DNAJC8: variants seen among roughly 807,000 people sequenced by gnomAD.
DNAJC8 encodes the protein dnaJ homolog subfamily C member 8.
DNAJC8 carries 24 observed loss-of-function variants against 43.2 expected under a neutral mutation model. The observed-to-expected ratio is 0.56, with a 90% CI of 0.40 to 0.78. The LOEUF (loss-of-function observed/expected upper bound fraction) is 0.78, where lower values mean the gene tolerates loss of function less well. Ranked by LOEUF, DNAJC8 falls within the 30% of genes least tolerant of loss-of-function variation. The pLI, the probability that DNAJC8 is intolerant of heterozygous loss-of-function variation, is 0.00. For synonymous variants in DNAJC8, 83 were observed against 98.0 expected (o/e 0.85, Z 0.90); for missense variants, 207 against 299.4 (o/e 0.69, Z 2.28).
intron 5 of DNAJC8, 70 bp downstream of exon 5, chr1:28,209,902 G>A (rs1646799056): frequency 7.3e-7 from 1 of 1,360,582 alleles, no homozygotes. Flanking sequence ...ATGTTCATAT[G>A]TACCCTTCTA....
chr1:28,203,836 C>T lies in DNAJC8; in HGVS notation c.564-14G>A. On this transcript the variant is annotated splice_polypyrimidine_tract_variant and intron_variant, in intron 7 of 8. Coordinates refer to ENST00000263697, the MANE Select transcript of DNAJC8 (RefSeq NM_014280.3). ...CTTTGTCGTTTCCTAGGAGGAAAAC[C>T]AGATCATAGTATTTATATGATACTT... is the stretch of plus-strand genomic sequence containing the variant. The T allele has an allele frequency of 1.2e-6, 2 of 1,613,290 alleles. No individual in the cohort carries two copies. The highest frequency in any genetic ancestry group is 1.7e-6 in the Non-Finnish European group (2 of 1,179,352).
intron 1 of DNAJC8, among the ~76,000 whole-genome samples, chr1:28,229,733 C>T (rs1646960980): frequency 1.3e-5 from 2 of 150,420 alleles, no homozygotes; most frequent in South Asian, 4.2e-4. Context: ...AAGATCGCGC[C>T]ACTGGACTCC....
chr1:28,229,084 A>T, intron 1 of DNAJC8, 61 bp from the exon 2 acceptor site: 3 of 1,386,478 alleles, frequency 2.2e-6, no homozygotes, highest in Non-Finnish European at 3.1e-6. Context: ...GAATTATCTT[A>T]ACAAAATGTT....
At chr1:28,212,620 TA>T (rs1185119611) in intron 3 of DNAJC8, among the ~76,000 whole-genome samples, 8 of 145,810 alleles carry the variant, frequency 5.5e-5, no homozygotes, top group Admixed American at 1.4e-4. Context: ...ATAAACCAGC[TA>T]AAAAAAAAAG....
chr1:28,212,100 G>A (rs1646814190), intron 3 of DNAJC8, among the ~76,000 whole-genome samples: 2 of 146,070 alleles, frequency 1.4e-5, no homozygotes, highest in South Asian at 4.3e-4. Context: ...AGGCTGCCGT[G>A]AGCCAAGATC....
At chr1:28,227,104 C>CTTTTTTTTTTTTTTTTTTT (rs375175168) in intron 2 of DNAJC8, among the ~76,000 whole-genome samples, 1 of 95,144 alleles carries the variant, frequency 1.1e-5, no homozygotes, top group African/African-American at 3.9e-5. Flanking sequence ...CTCTCTCTCT[C>CTTTTTTTTTTTTTTTTTTT]TTTTTTTTTT....
At position 28,205,304 on chromosome 1, in the gene DNAJC8, G is replaced by A. The variant is rs186538348; in HGVS notation, c.517C>T (p.Leu173=). 437 of 1,613,508 alleles carry A rather than the reference G, an allele frequency of 2.7e-4. 2 individuals carry two copies. In the Middle Eastern group the frequency reaches 3.5e-3, roughly 13 times the overall value. Residue 173 remains leucine (L), a synonymous_variant, in exon 7 of 9, where the codon CTG becomes TTG. Transcript: ENST00000263697. ...YKQTMKLFAE[L]EIKRKEREAK... ...TCTCTCTCTTTCCTTTTAATTTCCA[G>A]CTCTGCAAAGAGTTTCATTGTCTGT...
At position 28,227,104 on chromosome 1, in the gene DNAJC8, CTTTTTTTTTT is replaced by C. The variant is rs375175168; in HGVS notation, c.180+1808_180+1817del. On this transcript the variant is annotated intron_variant, in intron 2 of 8. Transcript: ENST00000263697. Reference sequence around the variant, plus strand: ...AAAAAAAAAGAATTTCTCTCTCTCTCTTTTTTTTTTTTTTTTTTTTTTGGACAGGCGCGGT... The same window carrying C: ...AAAAAAAAAGAATTTCTCTCTCTCTCTTTTTTTTTTTTGGACAGGCGCGGT... Among the ~76,000 whole-genome samples the C allele has an allele frequency of 2.5e-4, 24 of 95,142 alleles. No individual in the cohort carries two copies. The East Asian group carries it at 6.2e-3, about 24-fold the overall frequency. 62.4% of individuals were successfully genotyped at this position (95,142 alleles called of 152,430 possible).
chr1:28,228,184 A>G (rs1178049291), intron 2 of DNAJC8, among the ~76,000 whole-genome samples: 1 of 151,908 alleles, frequency 6.6e-6, no homozygotes, highest in Non-Finnish European at 1.5e-5. Flanking sequence ...CCCCATCTCT[A>G]CTAAGAATAC....
At chr1:28,215,707 T>C (rs528238467) in intron 2 of DNAJC8, among the ~76,000 whole-genome samples, 10 of 151,894 alleles carry the variant, frequency 6.6e-5, no homozygotes, top group Non-Finnish European at 1.2e-4. Context: ...CTGGCTAATT[T>C]TGTAATTTTA....
At chr1:28,225,494 G>A (rs948768400) in intron 2 of DNAJC8, among the ~76,000 whole-genome samples, 1 of 151,046 alleles carries the variant, frequency 6.6e-6, no homozygotes, top group Admixed American at 6.6e-5. Context: ...CCACTTACAC[G>A]GGTTTCCTAG....
chr1:28,201,476 C>T, intron 8 of DNAJC8, 106 bp from the exon 9 acceptor site: 1 of 1,528,510 alleles, frequency 6.5e-7, no homozygotes, highest in Non-Finnish European at 8.9e-7. Flanking sequence ...CACTTCAGTC[C>T]TCTGGAATAA....
In DNAJC8 at chr1:28,218,094, C is replaced by CTT. The variant is rs34973122; in HGVS notation, c.181-3100_181-3099dup. ...TCATGAAGGTCGGATGGTTTCTATT[C>CTT]TTTTTTTTTTTTTTTTTTGAGATGG... On this transcript the variant is annotated intron_variant, in intron 2 of 8. Coordinates refer to ENST00000263697, the MANE Select transcript of DNAJC8 (RefSeq NM_014280.3). 9.2e-4 allele frequency among the ~76,000 whole-genome samples: 113 copies of CTT among 122,314 alleles called. 1 individual carries two copies. Among genetic ancestry groups the CTT allele is most frequent in the African/African-American group, 2.9e-3 (94 of 32,420 alleles). 80.2% of individuals were successfully genotyped at this position (122,314 alleles called of 152,430 possible).
chr1:28,201,789 C>CAAAAAAAAAAAAAAAAA, intron 8 of DNAJC8, among the ~76,000 whole-genome samples: 1 of 111,390 alleles, frequency 9.0e-6, no homozygotes, highest in Non-Finnish European at 1.9e-5. Flanking sequence ...GACTTTGTAT[C>CAAAAAAAAAAAAAAAAA]AAAAAAAAAA....
At chr1:28,214,915 T>C (rs200565707) in intron 3 of DNAJC8, 25 bp downstream of exon 3, 189 of 1,572,742 alleles carry the variant, frequency 1.2e-4, no homozygotes, top group Non-Finnish European at 1.6e-4. Flanking sequence ...TTTCAAAAAG[T>C]TCAAACAGGG....
rs1646991928 is a variant in DNAJC8 at position 28,232,989 on chromosome 1, A to G, written c.10T>C (p.Ser4Pro). ...CCGCCTGAAGTCCCGCTCTCTCCTG[A>G]AGCCGCCATTTCCCCGGCCCAGCCA... MAA[S>P]GESGTSGGGG... is the part of the protein sequence containing the mutation. Residue 4 changes from serine to proline, a missense_variant, in exon 1 of 9, where the codon TCA becomes CCA. Physicochemically the swap from Ser to Pro is moderately conservative, Grantham distance 74. This residue lies in a region of DNAJC8 where 48 missense variants were observed against 31.9 expected (regional missense o/e 1.50). Coordinates refer to ENST00000263697, the MANE Select transcript of DNAJC8 (RefSeq NM_014280.3). 1.9e-6 allele frequency: 3 copies of G among 1,612,118 alleles called. No individual in the cohort carries two copies. The highest frequency in any genetic ancestry group is 2.5e-6 in the Non-Finnish European group (3 of 1,179,970).
Position 28,200,888 on chromosome 1 carries a change from C to T in DNAJC8, c.*360G>A, listed in dbSNP as rs546835925. 6.4e-5 allele frequency: 23 copies of T among 361,964 alleles called. No individual in the cohort carries two copies. Among genetic ancestry groups the T allele is most frequent in the Admixed American group, 3.8e-4 (10 of 26,054 alleles). 22.4% of individuals were successfully genotyped at this position (361,964 alleles called of 1,614,324 possible). On this transcript the variant is annotated 3_prime_UTR_variant, in exon 9 of 9. Transcript: ENST00000263697. The stretch of plus-strand genomic sequence containing the variant: ...GAAGTCACAGCAACACTGTTTTAAG[C>T]AGTATGTTTAATTGGATGATTTCCA...
At chr1:28,203,724 C>T in intron 8 of DNAJC8, 23 bp downstream of exon 8, 1 of 1,613,362 alleles carries the variant, frequency 6.2e-7, no homozygotes, top group Non-Finnish European at 8.5e-7. Context: ...GAATTAGAAT[C>T]CCTGGCCACC....
intron 1 of DNAJC8, among the ~76,000 whole-genome samples, chr1:28,231,349 A>T (rs1315825308): frequency 6.6e-6 from 1 of 152,172 alleles, no homozygotes; most frequent in East Asian, 1.9e-4. Context: ...CAAAATAAAT[A>T]AATTAAATTA....
Sources: gnomAD v4.1 joint callset for allele counts (sites outside exome capture counted in the v4.1 genomes callset) on GRCh38, gnomAD v4.1.1 for gene constraint, gnomAD v4.1.1 regional missense constraint, MANE v1.5 for transcripts, NCBI Gene and HGNC (gene_info 2026-07-23, HGNC 2026-07-21) for gene names.